KIF9: variants seen among roughly 807,000 people sequenced by gnomAD.
KIF9 encodes the protein kinesin-like protein KIF9.
KIF9 carries 68 observed loss-of-function variants against 94.8 expected under a neutral mutation model. The observed-to-expected ratio is 0.72, with a 90% confidence interval of 0.59 to 0.88. The LOEUF (loss-of-function observed/expected upper bound fraction) is 0.88, where lower values mean the gene tolerates loss of function less well. KIF9 is among the 40% of genes least tolerant of loss of function. KIF9 has a pLI of 0.00. For synonymous variants in KIF9, 343 were observed against 362.1 expected, an observed-to-expected ratio of 0.95 and a Z score of 0.60; for missense variants, 882 against 982.5, an observed-to-expected ratio of 0.90 and a Z score of 1.37.
chr3:47,273,397 C>T (rs1263584159), intron 4 of KIF9, among the ~76,000 whole-genome samples, 155 bp downstream of exon 4: 1 of 152,152 alleles, frequency 6.6e-6, no homozygotes, highest in Non-Finnish European at 1.5e-5. Context: ...CTACTGACTC[C>T]AGAGCCCTGT....
At chr3:47,234,217 G>T (rs1217243735) in intron 20 of KIF9, among the ~76,000 whole-genome samples, 3 of 151,986 alleles carry the variant, frequency 2.0e-5, no homozygotes. Context: ...GATAGAGGGG[G>T]ACAGCATTTG....
Position 47,266,211 on chromosome 3 carries a change from C to A in KIF9, c.769-334G>T, listed in dbSNP as rs1217599383. Among the ~76,000 whole-genome samples, 59 of 152,134 alleles carry A rather than the reference C, an allele frequency of 3.9e-4. 2 individuals carry two copies. Among genetic ancestry groups the A allele is most frequent in the Admixed American group, 3.8e-3 (58 of 15,266 alleles). ...TTGTCTAGATATTTGAGCAAAGAAT[C>A]CTGTGAATATTCACACAAACACTCA... On this transcript the variant is annotated intron_variant, in intron 7 of 20. Coordinates refer to ENST00000684063, the MANE Select transcript of KIF9 (RefSeq NM_182902.4).
intron 5 of KIF9, among the ~76,000 whole-genome samples, chr3:47,270,582 A>G (rs749457828): frequency 2.6e-5 from 4 of 152,078 alleles, no homozygotes; most frequent in African/African-American, 4.8e-5. Flanking sequence ...AGAGCTCATA[A>G]TTTAACTGAA....
Position 47,262,248 on chromosome 3 carries a change from T to C in KIF9, c.981+2038A>G, listed in dbSNP as rs375885764. Among the ~76,000 whole-genome samples the C allele has an allele frequency of 2.5e-4, 38 of 151,596 alleles. 1 individual carries two copies. Among genetic ancestry groups the C allele is most frequent in the African/African-American group, 9.0e-4 (37 of 41,326 alleles). ...GAGGCCCATTTCTTATGGCTCTTCTTGGGTTCAACCATGCGGGGTTTTTTT... is the reference window on the plus strand; with the variant it reads ...GAGGCCCATTTCTTATGGCTCTTCTCGGGTTCAACCATGCGGGGTTTTTTT... On this transcript the variant is annotated intron_variant, in intron 9 of 20. Transcript: ENST00000684063.
chr3:47,263,136 A>T (rs1701087272), intron 9 of KIF9, among the ~76,000 whole-genome samples: 1 of 152,084 alleles, frequency 6.6e-6, no homozygotes, highest in East Asian at 1.9e-4. Context: ...ACCTCAGGTG[A>T]TCCACCCGCT....
In KIF9 at chr3:47,275,317, TAA is replaced by T; in HGVS notation, c.259+6_259+7del. On this transcript the variant is annotated splice_donor_region_variant and intron_variant, in intron 3 of 20. Coordinates refer to ENST00000684063, the MANE Select transcript of KIF9 (RefSeq NM_182902.4). ...TTACATAAGACAACATTTAATTAAT[TAA>T]GTTACCATTATAGCCATCGAGGGCC... 6.3e-7 allele frequency: 1 copy of T among 1,587,244 alleles called. No individual in the cohort carries two copies. The highest frequency in any genetic ancestry group is 8.6e-7 in the Non-Finnish European group (1 of 1,168,382).
At chr3:47,240,290 G>A (rs539846029) in intron 17 of KIF9, 198 of 212,792 alleles carry the variant, frequency 9.3e-4, no homozygotes, top group Non-Finnish European at 1.7e-3. Context: ...AGACCAGCAC[G>A]GGTGTCAGGG....
intron 20 of KIF9, among the ~76,000 whole-genome samples, chr3:47,232,574 C>T (rs1232447323): frequency 6.6e-6 from 1 of 151,914 alleles, no homozygotes; most frequent in Non-Finnish European, 1.5e-5. Flanking sequence ...TGTGAGCCAC[C>T]GCGCCCAGCC....
chr3:47,246,205 C>G lies in KIF9; in HGVS notation c.1281G>C (p.Val427=). Reference sequence around the variant, plus strand: ...GGGTGGGGGTCTCTCACCTCAGAACCACCCGGAACTGGTTGAACACCTCCT... The same window carrying G: ...GGGTGGGGGTCTCTCACCTCAGAACGACCCGGAACTGGTTGAACACCTCCT... ...QIKEVFNQFR[V]VLSQQEQEVE... Residue 427 remains valine, a synonymous_variant, in exon 13 of 21, where the codon GTG becomes GTC. Coordinates refer to ENST00000684063, the MANE Select transcript of KIF9 (RefSeq NM_182902.4). 2.5e-6 allele frequency: 4 copies of G among 1,613,526 alleles called. No homozygotes were observed. Among genetic ancestry groups the G allele is most frequent in the Non-Finnish European group, 3.4e-6 (4 of 1,179,702 alleles).
intron 10 of KIF9, among the ~76,000 whole-genome samples, chr3:47,252,705 G>A (rs980249343): frequency 2.0e-5 from 3 of 152,102 alleles, no homozygotes; most frequent in Admixed American, 1.3e-4. Context: ...CCTAAGCTAA[G>A]GGAACACCAA....
In KIF9 at chr3:47,282,070, C is replaced by A. The variant is rs189488398; in HGVS notation, c.-6+425G>T. The A allele has an allele frequency of 3.9e-5, 15 of 381,814 alleles. No homozygotes were observed. The East Asian group carries it at 1.6e-3, about 41-fold the overall frequency. The allele number at this position is 381,814 out of a possible 1,614,324, so 23.7% of individuals were successfully genotyped here. A position where few individuals can be genotyped will look rare whatever the true frequency, so the allele number is the denominator to read the frequency against. The stretch of plus-strand genomic sequence containing the variant: ...CTTTTTCTCACCCAATGTGCCGGAC[C>A]CCCGCGTGGAGCCTGGGCGGCAGTG... On this transcript the variant is annotated intron_variant, in intron 1 of 20. Coordinates refer to ENST00000684063, the MANE Select transcript of KIF9 (RefSeq NM_182902.4).
intron 10 of KIF9, among the ~76,000 whole-genome samples, chr3:47,249,556 T>C (rs760067119): frequency 3.3e-5 from 5 of 152,220 alleles, no homozygotes; most frequent in Admixed American, 6.5e-5. Context: ...TATGAGGCTT[T>C]TGAGATCTGC....
rs563051211 is a variant in KIF9, at chr3:47,257,636, C to A, written c.982-76G>T. On this transcript the variant is annotated intron_variant, in intron 9 of 20. Coordinates refer to ENST00000684063, the MANE Select transcript of KIF9 (RefSeq NM_182902.4). ...CCCAAGAGACCGGCCTTCTCAGAGA[C>A]CTTGCCTGCCCTTTCCTGGCTCCTT... 7.9e-6 allele frequency: 10 copies of A among 1,263,106 alleles called. No individual in the cohort carries two copies. In the South Asian group the frequency reaches 1.1e-4, roughly 14 times the overall value. 78.2% of individuals were successfully genotyped at this position (1,263,106 alleles called of 1,614,324 possible).
At chr3:47,243,267 C>A (rs1168413115) in intron 15 of KIF9, 22 bp from the exon 16 acceptor site, 1 of 1,596,732 alleles carries the variant, frequency 6.3e-7, no homozygotes. Context: ...CACGGAAGCC[C>A]CAGGGTTCAG....
chr3:47,278,145 C>T (rs1198536934), intron 1 of KIF9, among the ~76,000 whole-genome samples: 1 of 151,938 alleles, frequency 6.6e-6, no homozygotes, highest in African/African-American at 2.4e-5. Flanking sequence ...TATCATGGCT[C>T]AATGCAGCCT....
In KIF9 at chr3:47,265,872, C is replaced by T. The variant is rs776013485; in HGVS notation, c.774G>A (p.Glu258=). The part of the protein sequence containing the change: ...GSERLGKSGS[E]GQVLKEATYI... ...AGGTGGCTTCCTTCAGGACTTGGCC[C>T]TCAGACTACAAAGCAAAGGTCAGTT... Residue 258 remains glutamate (E), a synonymous_variant, in exon 8 of 21, where the codon GAG becomes GAA. Transcript: ENST00000684063. 2 of 1,614,014 alleles carry T rather than the reference C, an allele frequency of 1.2e-6. No homozygotes were observed. Among genetic ancestry groups the T allele is most frequent in the South Asian group, 1.1e-5 (1 of 91,090 alleles).
chr3:47,268,584 CTTT>C (rs560574291), intron 5 of KIF9, among the ~76,000 whole-genome samples: 5 of 137,284 alleles, frequency 3.6e-5, no homozygotes, highest in Admixed American at 7.4e-5. Flanking sequence ...TTTTCTTCTT[CTTT>C]TTTTTTTTTT....
intron 10 of KIF9, 23 bp from the exon 11 acceptor site, chr3:47,248,109 G>A: frequency 6.3e-7 from 1 of 1,588,036 alleles, no homozygotes; most frequent in South Asian, 1.1e-5. Flanking sequence ...ATGGTAGGGT[G>A]GGGGCCGACA....
At chr3:47,239,972 C>T (rs1699346142) in intron 17 of KIF9, 2 of 1,351,564 alleles carry the variant, frequency 1.5e-6, no homozygotes, top group Non-Finnish European at 2.0e-6. Flanking sequence ...GGCCTCTGAA[C>T]CACCTGTCCC....
Sources: allele counts gnomAD v4.1 joint callset (sites outside exome capture counted in the v4.1 genomes callset), GRCh38; gene constraint gnomAD v4.1.1; transcripts MANE v1.5; gene names NCBI Gene and HGNC (gene_info 2026-07-23, HGNC 2026-07-21).